HSPG2: variants seen among roughly 807,000 people sequenced by gnomAD.
HSPG2 encodes heparan sulfate proteoglycan 2.
In HSPG2, 278 loss-of-function variants were observed where a neutral mutation model predicts 526.6. The observed-to-expected ratio is 0.53, with a 90% confidence interval of 0.48 to 0.58. HSPG2 has a LOEUF of 0.58. Ranked by LOEUF, HSPG2 falls within the 20% of genes least tolerant of loss-of-function variation. The pLI is 0.00. For missense variants in HSPG2, 5,354 were observed against 6,099.5 expected, an observed-to-expected ratio of 0.88 and a Z score of 4.07; for synonymous variants, 2,465 against 2,555.4, an observed-to-expected ratio of 0.96 and a Z score of 1.07.
chr1:21,833,512 T>C lies in HSPG2; in HGVS notation c.10933A>G (p.Asn3645Asp). 1 of 1,614,156 alleles carries C rather than the reference T, an allele frequency of 6.2e-7. No individual in the cohort carries two copies. Among genetic ancestry groups the C allele is most frequent in the Non-Finnish European group, 8.5e-7 (1 of 1,180,014 alleles). The change falls in exon 79 of 97, where the codon AAC becomes GAC. Residue 3645 changes from asparagine to aspartate, a missense_variant. By Grantham distance (23) the Asn-to-Asp change is conservative. Transcript: ENST00000374695. ...DAGTYVCTAT[N>D]RQGKVKAFAH... ...AAGGCTTTGACCTTGCCCTGGCGGT[T>C]AGTGGCGGTGCAGACGTAGGTACCT...
At chr1:21,929,886 G>C (rs915936544) in intron 1 of HSPG2, among the ~76,000 whole-genome samples, 2 of 152,118 alleles carry the variant, frequency 1.3e-5, no homozygotes, top group Non-Finnish European at 2.9e-5. Context: ...CCTAGCTTGA[G>C]CTCCCATCGT....
chr1:21,875,280 G>T (rs1221140515), intron 25 of HSPG2: 2 of 597,160 alleles, frequency 3.3e-6, no homozygotes, highest in Middle Eastern at 4.5e-4. Context: ...GAGCCCACGG[G>T]CCTGAAAGAA....
In HSPG2 at chr1:21,828,426, C is replaced by T. The variant is rs766678003; in HGVS notation, c.12238G>A (p.Val4080Met). ...SAHFRGCVGEVSVNGKRLDLT... is the reference protein window; with the variant it reads ...SAHFRGCVGEMSVNGKRLDLT... ...TCCAGCCGTTTGCCATTCACTGACA[C>T]CTGTGGGGACAGGGACACCGAGGGA... The change falls in exon 89 of 97, where the codon GTG becomes ATG. Residue 4080 changes from valine (V) to methionine (M), a missense_variant and splice_region_variant. By Grantham distance (21) the Val-to-Met change is conservative. Coordinates refer to ENST00000374695, the MANE Select transcript of HSPG2 (RefSeq NM_005529.7). This position sits in a 1 kb window ranked among gnomAD's most constrained non-coding sequence, Gnocchi z 6.0. 6.2e-7 allele frequency: 1 copy of T among 1,613,196 alleles called. No homozygotes were observed. Among genetic ancestry groups the T allele is most frequent in the East Asian group, 2.2e-5 (1 of 44,880 alleles).
intron 52 of HSPG2, 115 bp downstream of exon 52, chr1:21,852,585 C>T (rs1395728654): frequency 6.9e-7 from 1 of 1,440,316 alleles, no homozygotes; most frequent in East Asian, 2.3e-5. Flanking sequence ...CAGGGCCCTG[C>T]AGCCAGCTCC....
Position 21,838,908 on chromosome 1 carries a change from G to C in HSPG2, c.10067C>G (p.Ala3356Gly). The C allele has an allele frequency of 6.2e-7, 1 of 1,612,248 alleles. No individual in the cohort carries two copies. The highest frequency in any genetic ancestry group is 8.5e-7 in the Non-Finnish European group (1 of 1,179,282). Reference sequence around the variant, plus strand: ...GCGGTAGCGGCCTGAGTCCTCAGGGGCTGCACGCTCAAAGTGCAGCAGCTC... The same window carrying C: ...GCGGTAGCGGCCTGAGTCCTCAGGGCCTGCACGCTCAAAGTGCAGCAGCTC... ...RNELLHFERA[A>G]PEDSGRYRCR... The change falls in exon 74 of 97, where the codon GCC becomes GGC. Residue 3356 changes from alanine to glycine, a missense_variant. Ala to Gly is a moderately conservative substitution (Grantham distance 60, BLOSUM62 0). Transcript: ENST00000374695.
Position 21,848,003 on chromosome 1 carries a change from C to G in HSPG2, c.7828G>C (p.Glu2610Gln). ...TGGATGGTGACGATGAGCGAGGTCTCCCGGGAGCCTGCACCGTTACTGACG... is the reference window on the plus strand; with the variant it reads ...TGGATGGTGACGATGAGCGAGGTCTGCCGGGAGCCTGCACCGTTACTGACG... ...CHVSNGAGSR[E>Q]TSLIVTIQGS... is the part of the protein sequence containing the mutation. The change falls in exon 60 of 97, where the codon GAG becomes CAG. Residue 2610 changes from glutamate to glutamine, a missense_variant. Physicochemically the swap from Glu to Gln is conservative, Grantham distance 29. Transcript: ENST00000374695. This position sits in a 1 kb window ranked among gnomAD's most constrained non-coding sequence, Gnocchi z 4.9. 1 of 1,613,656 alleles carries G rather than the reference C, an allele frequency of 6.2e-7. No homozygotes were observed. The highest frequency in any genetic ancestry group is 1.1e-5 in the South Asian group (1 of 91,074).
intron 1 of HSPG2, among the ~76,000 whole-genome samples, chr1:21,926,259 T>C (rs576753419): frequency 2.9e-4 from 44 of 151,812 alleles, no homozygotes; most frequent in African/African-American, 1.1e-3. Flanking sequence ...CTAAAGAGGG[T>C]GGCAGTTTTA....
chr1:21,854,694 C>G lies in HSPG2; in HGVS notation c.6205G>C (p.Asp2069His). The G allele has an allele frequency of 6.2e-7, 1 of 1,611,646 alleles. No homozygotes were observed. Among genetic ancestry groups the G allele is most frequent in the Non-Finnish European group, 8.5e-7 (1 of 1,179,010 alleles). ...GACCCTGCCACCACACAGTTGAGGT[C>G]GAGTGTTTGCCCTTCTGTCACAGAA... ...SPSVTEGQTL[D>H]LNCVVAGSAH... The change falls in exon 49 of 97, where the codon GAC becomes CAC. Residue 2069 changes from aspartate to histidine, a missense_variant. Physicochemically the swap from Asp to His is moderately conservative, Grantham distance 81. Coordinates refer to ENST00000374695, the MANE Select transcript of HSPG2 (RefSeq NM_005529.7).
At chr1:21,844,579 A>G (rs887770334) in intron 64 of HSPG2, among the ~76,000 whole-genome samples, 2 of 152,208 alleles carry the variant, frequency 1.3e-5, no homozygotes, top group Non-Finnish European at 2.9e-5. Flanking sequence ...CACACAGACC[A>G]CTAGACCACT....
intron 1 of HSPG2, among the ~76,000 whole-genome samples, chr1:21,901,662 C>A (rs992312907): frequency 6.6e-6 from 1 of 152,118 alleles, no homozygotes; most frequent in African/African-American, 2.4e-5. Context: ...ACTGCCCCCG[C>A]AGCTAGGCAG....
At position 21,852,233 on chromosome 1, in the gene HSPG2, C is replaced by G. The variant is rs374322147; in HGVS notation, c.6725G>C (p.Gly2242Ala). 1 of 1,613,996 alleles carries G rather than the reference C, an allele frequency of 6.2e-7. No individual in the cohort carries two copies. The highest frequency in any genetic ancestry group is 1.1e-5 in the South Asian group (1 of 91,090). Residue 2242 changes from glycine (G) to alanine (A), a missense_variant and splice_region_variant, in exon 53 of 97, where the codon GGA becomes GCA. Coordinates refer to ENST00000374695, the MANE Select transcript of HSPG2 (RefSeq NM_005529.7). The stretch of plus-strand genomic sequence containing the variant: ...CTCGATCCTGACAGGTGGGATGGGT[C>G]CTGCAGCAGTGGGGATGGGAGTGAG... ...LVTIEASVIP[G>A]PIPPVRIESS...
Position 21,842,030 on chromosome 1 carries a change from C to G in HSPG2, c.9165G>C (p.Glu3055Asp). Reference protein sequence around the residue: ...IHDGAAPISLEWKTRNQELED... With the variant: ...IHDGAAPISLDWKTRNQELED... ...CCAGCTCCTGGTTCCGGGTCTTCCA[C>G]TCGAGGCTGATGGGGGCTGCCCCGT... The change falls in exon 69 of 97, where the codon GAG becomes GAC. Residue 3055 changes from glutamate to aspartate, a missense_variant. By Grantham distance (45) the Glu-to-Asp change is conservative (BLOSUM62 2). Coordinates refer to ENST00000374695, the MANE Select transcript of HSPG2 (RefSeq NM_005529.7). The G allele has an allele frequency of 6.2e-7, 1 of 1,613,598 alleles. No homozygotes were observed. Among genetic ancestry groups the G allele is most frequent in the Non-Finnish European group, 8.5e-7 (1 of 1,180,020 alleles).
chr1:21,843,462 G>T, intron 65 of HSPG2, 24 bp from the exon 66 acceptor site: 1 of 1,601,446 alleles, frequency 6.2e-7, no homozygotes, highest in Non-Finnish European at 8.5e-7. Flanking sequence ...GGTGAGAGCG[G>T]GGAGGGTGAG....
chr1:21,854,526 G>A (rs1278352484), intron 49 of HSPG2, 85 bp downstream of exon 49: 7 of 1,470,524 alleles, frequency 4.8e-6, no homozygotes, highest in Non-Finnish European at 4.6e-6. Context: ...GCAGTGTGCC[G>A]CCTCCCCCGC....
intron 75 of HSPG2, 124 bp downstream of exon 75, chr1:21,836,678 G>T: frequency 2.4e-6 from 2 of 825,024 alleles, no homozygotes; most frequent in Non-Finnish European, 4.0e-6. Context: ...GCTCAGAGAG[G>T]TAAAGTGATG....
chr1:21,874,910 T>A lies in HSPG2; in HGVS notation c.3395A>T (p.Tyr1132Phe). The A allele has an allele frequency of 6.2e-7, 1 of 1,612,306 alleles. No homozygotes were observed. The highest frequency in any genetic ancestry group is 8.5e-7 in the Non-Finnish European group (1 of 1,179,240). The change falls in exon 26 of 97, where the codon TAC becomes TTC. Residue 1132 changes from tyrosine (Y) to phenylalanine (F), a missense_variant. Coordinates refer to ENST00000374695, the MANE Select transcript of HSPG2 (RefSeq NM_005529.7). The stretch of plus-strand genomic sequence containing the variant: ...ACTCACCTGGCAGGACGGCCCACGG[T>A]ACCCGGGTGGGCAGGAGCACTGTTC... ...EVEQCSCPPG[Y>F]RGPSCQDCDT...
At chr1:21,885,544 C>T in intron 9 of HSPG2, 93 bp from the exon 10 acceptor site, 3 of 1,469,644 alleles carry the variant, frequency 2.0e-6, no homozygotes, top group Non-Finnish European at 2.8e-6. Context: ...CCACATAACC[C>T]ACAGCGGCCC....
rs547310973 is a variant in HSPG2, at chr1:21,847,391, G to A, written c.8127C>T (p.Ile2709=). Residue 2709 remains isoleucine (I), a synonymous_variant, in exon 62 of 97, where the codon ATC becomes ATT. Coordinates refer to ENST00000374695, the MANE Select transcript of HSPG2 (RefSeq NM_005529.7). This position sits in a 1 kb window ranked among gnomAD's most constrained non-coding sequence, Gnocchi z 4.1. ...CGGCGCTAGGGGAGACGGAGATGAC[G>A]ATGGAGGCCTCCAGGGCATCGATGT... ...NNNIDALEAS[I]VISVSPSAGS... is the part of the protein sequence containing the mutation. 11 of 1,613,992 alleles carry A rather than the reference G, an allele frequency of 6.8e-6. No individual in the cohort carries two copies. Among genetic ancestry groups the A allele is most frequent in the East Asian group, 6.7e-5 (3 of 44,880 alleles).
chr1:21,894,800 G>T (rs964478700), intron 3 of HSPG2, among the ~76,000 whole-genome samples: 10 of 152,310 alleles, frequency 6.6e-5, no homozygotes, highest in East Asian at 5.8e-4. Context: ...ATTCCAGGAC[G>T]GGACGTGCCA....
Sources: allele counts gnomAD v4.1 joint callset (sites outside exome capture counted in the v4.1 genomes callset), GRCh38; gene constraint gnomAD v4.1.1; non-coding constraint Gnocchi (gnomAD v3.1); transcripts MANE v1.5; gene names NCBI Gene and HGNC (gene_info 2026-07-23, HGNC 2026-07-21).